The following GPC6 variants were observed in gnomAD, a reference collection of about 807,000 sequenced individuals.
GPC6 encodes the protein glypican-6.
GPC6 carries 14 observed loss-of-function variants against 55.2 expected under a neutral mutation model. That is an observed-to-expected ratio of 0.25 (90% CI 0.17 to 0.40). The LOEUF is 0.40. Ranked by LOEUF, GPC6 falls within the 10% of genes least tolerant of loss-of-function variation. The pLI is 1.00. For missense variants in GPC6, 641 were observed against 708.5 expected (o/e 0.90, Z 1.08); for synonymous variants, 278 against 259.6 (o/e 1.07, Z -0.68).
intron 4 of GPC6, among the ~76,000 whole-genome samples, chr13:94,066,469 T>C (rs1393043614): frequency 6.6e-6 from 1 of 152,192 alleles, no homozygotes; most frequent in Non-Finnish European, 1.5e-5. Context: ...CTACAGAAGA[T>C]TGGGTGTTAG....
intron 3 of GPC6, among the ~76,000 whole-genome samples, chr13:93,931,436 CAAAAA>C (rs11334620): frequency 4.9e-5 from 6 of 121,670 alleles, no homozygotes; most frequent in Non-Finnish European, 5.1e-5. Flanking sequence ...CATACACAGG[CAAAAA>C]AAAAAAAAAA....
At position 94,178,106 on chromosome 13, in the gene GPC6, C is replaced by T. The variant is rs558395191; in HGVS notation, c.878-108243C>T. 9.0e-3 allele frequency among the ~76,000 whole-genome samples: 1,333 copies of T among 147,774 alleles called. 12 individuals carry two copies. The highest frequency in any genetic ancestry group is 0.014 in the Non-Finnish European group (930 of 67,524). On this transcript the variant is annotated intron_variant, in intron 4 of 8. Coordinates refer to ENST00000377047, the MANE Select transcript of GPC6 (RefSeq NM_005708.5). Reference sequence around the variant, plus strand: ...CGATCTCAACTCACTGCAACCTCCGCCTCCTGGGTTCAAGCGATTCTCCTG... The same window carrying T: ...CGATCTCAACTCACTGCAACCTCCGTCTCCTGGGTTCAAGCGATTCTCCTG...
chr13:93,796,898 T>C (rs990592580), intron 2 of GPC6, among the ~76,000 whole-genome samples: 1 of 72,778 alleles, frequency 1.4e-5, no homozygotes, highest in African/African-American at 6.9e-5. Context: ...AGATTTGCCC[T>C]GATGCACACC....
intron 1 of GPC6, among the ~76,000 whole-genome samples, chr13:93,385,214 G>A (rs9524037): frequency 0.35 from 52,510 of 152,140 alleles, 11,389 homozygotes; most frequent in Non-Finnish European, 0.5. Flanking sequence ...CTCCGAGGTG[G>A]GCATGATCCA....
At chr13:93,631,516 T>C (rs1284861424) in intron 2 of GPC6, among the ~76,000 whole-genome samples, 1 of 152,234 alleles carries the variant, frequency 6.6e-6, no homozygotes, top group African/African-American at 2.4e-5. Flanking sequence ...TACTACTTTT[T>C]ATAGCAGCCC....
intron 2 of GPC6, among the ~76,000 whole-genome samples, chr13:93,546,594 T>C (rs937638588): frequency 1.3e-5 from 2 of 152,218 alleles, no homozygotes; most frequent in African/African-American, 4.8e-5. Flanking sequence ...TGTGGATGTA[T>C]ATGAAAATAA....
intron 3 of GPC6, among the ~76,000 whole-genome samples, chr13:93,965,376 A>G (rs1431527085): frequency 6.6e-6 from 1 of 152,104 alleles, no homozygotes; most frequent in African/African-American, 2.4e-5. Context: ...GCGCCACTGC[A>G]TTCCAGCCTG....
chr13:93,460,273 T>C (rs1878629752), intron 1 of GPC6, among the ~76,000 whole-genome samples: 1 of 152,220 alleles, frequency 6.6e-6, no homozygotes, highest in Admixed American at 6.5e-5. Context: ...ACTGGATAAA[T>C]GGTCTTTAAT....
chr13:93,592,578 T>C (rs1382160918), intron 2 of GPC6, among the ~76,000 whole-genome samples: 1 of 151,246 alleles, frequency 6.6e-6, no homozygotes, highest in Non-Finnish European at 1.5e-5. Context: ...ATTTTGGTTG[T>C]TCATAAGTTG....
At position 94,408,011 on chromosome 13, in the gene GPC6, TACAA is replaced by T. The variant is rs1881430404; in HGVS notation, c.*4800_*4803del. The stretch of plus-strand genomic sequence containing the variant: ...ATGATCTTATAAATAAAGGAACCCA[TACAA>T]ACAAAGGTACCAAGAATACAGCATT... On this transcript the variant is annotated 3_prime_UTR_variant, in exon 9 of 9. Transcript: ENST00000377047. Among the ~76,000 whole-genome samples, 1 of 152,156 alleles carries T rather than the reference TACAA, an allele frequency of 6.6e-6. No homozygotes were observed. Among genetic ancestry groups the T allele is most frequent in the African/African-American group, 2.4e-5 (1 of 41,444 alleles).
chr13:94,124,392 G>A (rs1229321622), intron 4 of GPC6, among the ~76,000 whole-genome samples: 1 of 152,072 alleles, frequency 6.6e-6, no homozygotes, highest in Admixed American at 6.6e-5. Context: ...TGGCACCTGT[G>A]ATGCAAAGAT....
chr13:93,857,650 A>G (rs904200941), intron 3 of GPC6, among the ~76,000 whole-genome samples: 2 of 151,650 alleles, frequency 1.3e-5, no homozygotes, highest in African/African-American at 4.8e-5. Context: ...TATGTTATTT[A>G]TAGGACTGTT....
At chr13:93,678,447 G>C (rs1881727827) in intron 2 of GPC6, among the ~76,000 whole-genome samples, 1 of 152,134 alleles carries the variant, frequency 6.6e-6, no homozygotes, top group Non-Finnish European at 1.5e-5. Context: ...TGTAACACCT[G>C]CTATGTTTGT....
chr13:94,188,387 C>G (rs1889271781), intron 4 of GPC6, among the ~76,000 whole-genome samples: 1 of 152,140 alleles, frequency 6.6e-6, no homozygotes. Flanking sequence ...TGACTTTCCT[C>G]TTGGCTGGTA....
chr13:94,342,781 G>A (rs1878107538), intron 6 of GPC6, among the ~76,000 whole-genome samples: 1 of 152,040 alleles, frequency 6.6e-6, no homozygotes, highest in South Asian at 2.1e-4. Context: ...CCTGCACCTC[G>A]GGGTCCCTTG....
At chr13:94,026,810 C>T (rs573893775) in intron 3 of GPC6, among the ~76,000 whole-genome samples, 1 of 152,094 alleles carries the variant, frequency 6.6e-6, no homozygotes, top group African/African-American at 2.4e-5. Context: ...AGGAGAAGTG[C>T]CAAGCAAAAG....
At chr13:94,265,382 A>G (rs1176437648) in intron 4 of GPC6, among the ~76,000 whole-genome samples, 1 of 152,182 alleles carries the variant, frequency 6.6e-6, no homozygotes, top group East Asian at 1.9e-4. Context: ...CCAGCATGGG[A>G]GAAAGATGTA....
chr13:93,665,127 C>T (rs560156241), intron 2 of GPC6, among the ~76,000 whole-genome samples: 5 of 152,300 alleles, frequency 3.3e-5, no homozygotes, highest in African/African-American at 9.6e-5. Context: ...TAGGCATACA[C>T]GCCCATGAAT....
At chr13:93,249,521 A>G (rs1156971330) in intron 1 of GPC6, among the ~76,000 whole-genome samples, 2 of 152,244 alleles carry the variant, frequency 1.3e-5, no homozygotes, top group South Asian at 2.1e-4. Context: ...GGTCTGTTGA[A>G]AGAGGTTGGC....
Sources: gnomAD v4.1 joint callset for allele counts (sites outside exome capture counted in the v4.1 genomes callset) on GRCh38, gnomAD v4.1.1 for gene constraint, MANE v1.5 for transcripts, NCBI Gene and HGNC (gene_info 2026-07-23, HGNC 2026-07-21) for gene names.